Variants in CDH18 observed in about 807,000 individuals in gnomAD.
The protein encoded by CDH18 is cadherin 18.
A neutral mutation model predicts 67.9 loss-of-function variants in CDH18; 31 were observed. The ratio of observed to expected loss-of-function variants is 0.46; its 90% confidence interval spans 0.34 to 0.62. CDH18 has a LOEUF of 0.62. Ranked by LOEUF, CDH18 falls within the 20% of genes least tolerant of loss-of-function variation. CDH18 has a pLI of 0.01. For synonymous variants in CDH18, 362 were observed against 347.2 expected (o/e 1.04, Z -0.48); for missense variants, 890 against 975.5 (o/e 0.91, Z 1.17).
chr5:19,476,369 G>A (rs1425127142), intron 12 of CDH18, among the ~76,000 whole-genome samples: 1 of 152,002 alleles, frequency 6.6e-6, no homozygotes, highest in Non-Finnish European at 1.5e-5. Context: ...CAAATATTAT[G>A]CACAGAATTA....
intron 1 of CDH18, among the ~76,000 whole-genome samples, chr5:20,482,135 A>G (rs1177164649): frequency 6.6e-6 from 1 of 152,010 alleles, no homozygotes; most frequent in Non-Finnish European, 1.5e-5. Context: ...AATTCAAAAG[A>G]TCATTAGAGA....
intron 10 of CDH18, among the ~76,000 whole-genome samples, chr5:19,505,051 G>A (rs939457098): frequency 6.6e-6 from 1 of 151,924 alleles, no homozygotes; most frequent in Non-Finnish European, 1.5e-5. Context: ...GTGTTTGTAA[G>A]GCATCTTTTT....
At chr5:19,532,673 G>A (rs1748818295) in intron 9 of CDH18, among the ~76,000 whole-genome samples, 1 of 152,180 alleles carries the variant, frequency 6.6e-6, no homozygotes, top group South Asian at 2.1e-4. Context: ...AGGAAGCTAA[G>A]GTTAGGACCC....
At chr5:19,532,805 G>T (rs1223619248) in intron 9 of CDH18, among the ~76,000 whole-genome samples, 4 of 152,210 alleles carry the variant, frequency 2.6e-5, no homozygotes, top group Non-Finnish European at 5.9e-5. Context: ...GCTGACAAAA[G>T]TTTCCAATGG....
At chr5:19,660,221 G>T (rs1756973136) in intron 5 of CDH18, among the ~76,000 whole-genome samples, 1 of 152,002 alleles carries the variant, frequency 6.6e-6, no homozygotes, top group Admixed American at 6.6e-5. Flanking sequence ...CACTGAGAAT[G>T]AATAATAAAT....
chr5:20,501,569 A>ATATATATATTATATATATATATTAT (rs1491455085), intron 1 of CDH18, among the ~76,000 whole-genome samples: 2 of 16,188 alleles, frequency 1.2e-4, no homozygotes, highest in Non-Finnish European at 3.0e-4. Flanking sequence ...ATATATATAT[A>ATATATATATTATATATATATATTAT]ATATATATAT....
At chr5:19,659,279 C>T (rs1756841804) in intron 5 of CDH18, among the ~76,000 whole-genome samples, 1 of 151,990 alleles carries the variant, frequency 6.6e-6, no homozygotes, top group Non-Finnish European at 1.5e-5. Context: ...TTTCTCAATG[C>T]TTTGTTAAAT....
chr5:19,712,379 A>G (rs972356292), intron 5 of CDH18, among the ~76,000 whole-genome samples: 9 of 152,056 alleles, frequency 5.9e-5, no homozygotes, highest in African/African-American at 1.9e-4. Flanking sequence ...CAACAGTAAC[A>G]TCTATGGTAT....
intron 2 of CDH18, among the ~76,000 whole-genome samples, chr5:19,850,974 C>T (rs1783616991): frequency 1.3e-5 from 2 of 151,842 alleles, no homozygotes; most frequent in South Asian, 4.1e-4. Context: ...ATTCAAAAGA[C>T]TGAATATATC....
intron 2 of CDH18, among the ~76,000 whole-genome samples, chr5:20,099,900 C>G (rs562614578): frequency 1.3e-5 from 2 of 152,256 alleles, no homozygotes; most frequent in East Asian, 3.9e-4. Flanking sequence ...TCTCATGCCT[C>G]TGCCTCCCAA....
chr5:20,176,164 C>T (rs1358802616), intron 2 of CDH18, among the ~76,000 whole-genome samples: 1 of 152,164 alleles, frequency 6.6e-6, no homozygotes, highest in African/African-American at 2.4e-5. Flanking sequence ...GTTTTACATG[C>T]ATGCTCAAAT....
Position 19,839,063 on chromosome 5 carries a change from G to A in CDH18, c.-77C>T. Reference sequence around the variant, plus strand: ...GAAAGCTTAGTGAGCATTCAAGAGAGAAGCCAGAGCATCTTTAGGAAGGAC... The same window carrying A: ...GAAAGCTTAGTGAGCATTCAAGAGAAAAGCCAGAGCATCTTTAGGAAGGAC... On this transcript the variant is annotated 5_prime_UTR_variant, in exon 3 of 13. Transcript: ENST00000382275. The A allele has an allele frequency of 8.9e-7, 1 of 1,123,820 alleles. No individual in the cohort carries two copies. Among genetic ancestry groups the A allele is most frequent in the South Asian group, 1.3e-5 (1 of 77,028 alleles). The allele number at this position is 1,123,820 out of a possible 1,614,324, so 69.6% of individuals were successfully genotyped here.
intron 9 of CDH18, among the ~76,000 whole-genome samples, chr5:19,527,965 G>A (rs1408314830): frequency 6.6e-5 from 10 of 151,786 alleles, no homozygotes; most frequent in African/African-American, 2.4e-4. Context: ...TTTGCTGTTA[G>A]GAATGAACAC....
intron 1 of CDH18, among the ~76,000 whole-genome samples, chr5:20,552,129 A>G (rs1314463476): frequency 6.6e-6 from 1 of 152,130 alleles, no homozygotes; most frequent in Non-Finnish European, 1.5e-5. Context: ...TGAAAAATAT[A>G]TACAAATACA....
rs540884621 is a variant in CDH18 at position 20,254,955 on chromosome 5, C to T, written c.-518+489G>A. Among the ~76,000 whole-genome samples the T allele has an allele frequency of 2.5e-4, 38 of 152,158 alleles. 1 individual carries two copies. In the South Asian group the frequency reaches 6.6e-3, roughly 27 times the overall value. On this transcript the variant is annotated intron_variant, in intron 2 of 14. Coordinates refer to the CDH18 transcript ENST00000507958. ...CAGCCATAAAAAAGGAATAAAATCA[C>T]GTCTTCTGCAGCAATGCGAATGGAA...
At chr5:20,434,574 A>G (rs771807377) in intron 1 of CDH18, among the ~76,000 whole-genome samples, 7 of 152,052 alleles carry the variant, frequency 4.6e-5, no homozygotes, top group Non-Finnish European at 1.0e-4. Flanking sequence ...TTTAAAAAAA[A>G]TAGCTGGTAT....
Position 20,086,259 on chromosome 5 carries a change from A to C in CDH18, c.-517-94245T>G, listed in dbSNP as rs555533956. Among the ~76,000 whole-genome samples, 119 of 152,348 alleles carry C rather than the reference A, an allele frequency of 7.8e-4. 1 individual carries two copies. The highest frequency in any genetic ancestry group is 3.4e-3 in the Middle Eastern group (1 of 294). The stretch of plus-strand genomic sequence containing the variant: ...GTTATGAAGGCTGAAAGAGGTGAGA[A>C]AGCTGCAAGGAAAATTTGAAGTTAG... On this transcript the variant is annotated intron_variant, in intron 2 of 14. Transcript: ENST00000507958.
chr5:20,272,757 C>T (rs1215748440), intron 1 of CDH18, among the ~76,000 whole-genome samples: 1 of 151,910 alleles, frequency 6.6e-6, no homozygotes, highest in Non-Finnish European at 1.5e-5. Flanking sequence ...ATATTCTGTA[C>T]CTCAGTTAAA....
chr5:19,938,030 C>T (rs1178784686), intron 2 of CDH18, among the ~76,000 whole-genome samples: 1 of 146,514 alleles, frequency 6.8e-6, no homozygotes, highest in African/African-American at 2.5e-5. Flanking sequence ...ATATACATAG[C>T]AAATATATAT....
Sources: gnomAD v4.1 joint callset for allele counts (sites outside exome capture counted in the v4.1 genomes callset) on GRCh38, gnomAD v4.1.1 for gene constraint, MANE v1.5 for transcripts, NCBI Gene and HGNC (gene_info 2026-07-23, HGNC 2026-07-21) for gene names.